The following MAN1A2 variants were observed in gnomAD, a reference collection of about 807,000 sequenced individuals.
MAN1A2 encodes the protein mannosidase alpha class 1A member 2.
MAN1A2 carries 26 observed loss-of-function variants against 75.7 expected under a neutral mutation model. That is an observed-to-expected ratio of 0.34 (90% CI 0.25 to 0.48). The LOEUF (loss-of-function observed/expected upper bound fraction) is 0.48. MAN1A2 is among the 20% of genes least tolerant of loss of function. MAN1A2 has a pLI of 0.99. For missense variants in MAN1A2, 562 were observed against 775.5 expected (o/e 0.72, Z 3.27); for synonymous variants, 247 against 264.6 (o/e 0.93, Z 0.65).
At chr1:117,488,592 T>G (rs1485901237) in intron 8 of MAN1A2, among the ~76,000 whole-genome samples, 1 of 152,116 alleles carries the variant, frequency 6.6e-6, no homozygotes, top group Non-Finnish European at 1.5e-5. Flanking sequence ...GTATTGACTG[T>G]GAAGGCCACA....
chr1:117,491,924 G>A (rs936402321), intron 8 of MAN1A2, among the ~76,000 whole-genome samples: 1 of 152,190 alleles, frequency 6.6e-6, no homozygotes, highest in African/African-American at 2.4e-5. Context: ...AGATAGGACT[G>A]AGTTACTGCA....
chr1:117,412,599 T>A (rs758425376), intron 3 of MAN1A2, among the ~76,000 whole-genome samples: 9 of 151,990 alleles, frequency 5.9e-5, no homozygotes, highest in Non-Finnish European at 1.2e-4. Context: ...ATATTTTAAG[T>A]GTTTTTGTGA....
intron 1 of MAN1A2, among the ~76,000 whole-genome samples, chr1:117,373,665 T>A (rs1359632423): frequency 6.6e-6 from 1 of 152,064 alleles, no homozygotes; most frequent in Non-Finnish European, 1.5e-5. Context: ...CTAGGTTAAG[T>A]TTTAATTTTT....
chr1:117,414,427 G>A (rs530685221), intron 3 of MAN1A2, among the ~76,000 whole-genome samples: 69 of 151,140 alleles, frequency 4.6e-4, no homozygotes, highest in African/African-American at 1.6e-3. Flanking sequence ...TTAAGGAAAA[G>A]TATGCTTTTA....
At chr1:117,470,697 A>G (rs1650121790) in intron 8 of MAN1A2, among the ~76,000 whole-genome samples, 1 of 151,974 alleles carries the variant, frequency 6.6e-6, no homozygotes, top group Admixed American at 6.6e-5. Context: ...TGTAGTCCTT[A>G]CAGAATTGTC....
rs1173238244 is a variant in MAN1A2 at position 117,489,248 on chromosome 1, A to G, written c.1169-3899A>G. Among the ~76,000 whole-genome samples, 4 of 152,050 alleles carry G rather than the reference A, an allele frequency of 2.6e-5. No individual in the cohort carries two copies. In the East Asian group the frequency reaches 7.7e-4, roughly 29 times the overall value. ...TTTGTATATTTCTGCAAATATTGTT[A>G]TAGGATAATTCCAGAAGTACAATTC... On this transcript the variant is annotated intron_variant, in intron 8 of 12. Transcript: ENST00000356554.
In MAN1A2 at chr1:117,525,647, C is replaced by T. The variant is rs572162307; in HGVS notation, c.*2690C>T. The T allele has an allele frequency of 1.8e-4, 28 of 151,868 alleles. No homozygotes were observed. The highest frequency in any genetic ancestry group is 6.5e-4 in the African/African-American group (27 of 41,470). The allele number at this position is 151,868 out of a possible 1,614,324, so 9.4% of individuals were successfully genotyped here. On this transcript the variant is annotated 3_prime_UTR_variant, in exon 13 of 13. Coordinates refer to ENST00000356554, the MANE Select transcript of MAN1A2 (RefSeq NM_006699.5). ...ATAGATACATCAGTTGGTGCATAATCGAAAAAAATAGGAATTTTGAACACT... is the reference window on the plus strand; with the variant it reads ...ATAGATACATCAGTTGGTGCATAATTGAAAAAAATAGGAATTTTGAACACT...
chr1:117,402,052 A>T (rs759366653), intron 1 of MAN1A2, 134 bp from the exon 2 acceptor site: 7 of 829,928 alleles, frequency 8.4e-6, no homozygotes, highest in Non-Finnish European at 1.3e-5. Context: ...TCTCACTGAT[A>T]ATTCTTTCCT....
At chr1:117,401,662 G>T (rs1330424222) in intron 1 of MAN1A2, among the ~76,000 whole-genome samples, 1 of 152,140 alleles carries the variant, frequency 6.6e-6, no homozygotes, top group Non-Finnish European at 1.5e-5. Context: ...TTTTTAACAA[G>T]AGTTCAAGAG....
Position 117,499,572 on chromosome 1 carries a change from C to A in MAN1A2, c.1677+18C>A. ...CAGCACTGGTAAATAAGCCAATATT[C>A]CATTTTATCTGCAAGAGTGTTAACT... On this transcript the variant is annotated intron_variant, in intron 11 of 12. Coordinates refer to ENST00000356554, the MANE Select transcript of MAN1A2 (RefSeq NM_006699.5). The A allele has an allele frequency of 1.3e-6, 2 of 1,578,542 alleles. No homozygotes were observed. The highest frequency in any genetic ancestry group is 1.2e-5 in the South Asian group (1 of 85,620).
intron 8 of MAN1A2, among the ~76,000 whole-genome samples, chr1:117,480,713 T>C (rs1650470189): frequency 6.6e-6 from 1 of 151,880 alleles, no homozygotes; most frequent in Non-Finnish European, 1.5e-5. Context: ...ACATCTTGTT[T>C]ATATTTTTTC....
intron 8 of MAN1A2, among the ~76,000 whole-genome samples, chr1:117,468,587 G>A (rs1384233541): frequency 6.6e-6 from 1 of 152,124 alleles, no homozygotes; most frequent in East Asian, 1.9e-4. Context: ...TAGTATGGTT[G>A]TGGAATTACA....
intron 1 of MAN1A2, among the ~76,000 whole-genome samples, chr1:117,396,068 A>G (rs934223143): frequency 6.6e-6 from 1 of 152,212 alleles, no homozygotes; most frequent in African/African-American, 2.4e-5. Context: ...TTCAGTGTAT[A>G]GAGTTTTATG....
At chr1:117,511,685 T>C (rs1169008582) in intron 12 of MAN1A2, among the ~76,000 whole-genome samples, 1 of 152,124 alleles carries the variant, frequency 6.6e-6, no homozygotes, top group Admixed American at 6.6e-5. Flanking sequence ...TCTTTAGTTT[T>C]TAATTATATC....
At chr1:117,428,329 G>C (rs1024787889) in intron 5 of MAN1A2, among the ~76,000 whole-genome samples, 1 of 151,840 alleles carries the variant, frequency 6.6e-6, no homozygotes, top group African/African-American at 2.4e-5. Flanking sequence ...TGCCCAGGCT[G>C]GTCTTGAACT....
In MAN1A2 at chr1:117,528,245, T is replaced by C. The variant is rs1042763177; in HGVS notation, c.*5288T>C. ...GCAGTGCTCCAATCATGCTAACAGA[T>C]AATAGATTTTTCTTTAAGAATTTTA... On this transcript the variant is annotated 3_prime_UTR_variant, in exon 13 of 13. Coordinates refer to ENST00000356554, the MANE Select transcript of MAN1A2 (RefSeq NM_006699.5). 2.0e-5 allele frequency: 3 copies of C among 152,042 alleles called. No individual in the cohort carries two copies. The highest frequency in any genetic ancestry group is 4.4e-5 in the Non-Finnish European group (3 of 67,964). 9.4% of individuals were successfully genotyped at this position (152,042 alleles called of 1,614,324 possible). A position where few individuals can be genotyped will look rare whatever the true frequency, so the allele number is the denominator to read the frequency against.
chr1:117,468,768 C>T (rs572536368), intron 8 of MAN1A2, among the ~76,000 whole-genome samples: 1 of 152,026 alleles, frequency 6.6e-6, no homozygotes, highest in Admixed American at 6.6e-5. Flanking sequence ...TTTTAGAATA[C>T]CTGACATAGA....
At chr1:117,423,516 AT>A (rs1350371330) in intron 5 of MAN1A2, among the ~76,000 whole-genome samples, 1 of 151,814 alleles carries the variant, frequency 6.6e-6, no homozygotes, top group African/African-American at 2.4e-5. Context: ...CCATTTATTT[AT>A]TTTTTTATTG....
At chr1:117,400,914 A>G (rs888621825) in intron 1 of MAN1A2, among the ~76,000 whole-genome samples, 2 of 152,188 alleles carry the variant, frequency 1.3e-5, no homozygotes, top group African/African-American at 4.8e-5. Context: ...CAGTAGCATT[A>G]AATACATTCA....
Sources: gnomAD v4.1 joint callset for allele counts (sites outside exome capture counted in the v4.1 genomes callset) on GRCh38, gnomAD v4.1.1 for gene constraint, MANE v1.5 for transcripts, NCBI Gene and HGNC (gene_info 2026-07-23, HGNC 2026-07-21) for gene names.